The following GAL variants were observed in gnomAD, a reference collection of about 807,000 sequenced individuals.
The protein encoded by GAL is galanin peptides.
GAL carries 14 observed loss-of-function variants against 15.8 expected under a neutral mutation model. The ratio of observed to expected loss-of-function variants is 0.89; its 90% CI spans 0.59 to 1.39. The LOEUF (loss-of-function observed/expected upper bound fraction) is 1.39, where lower values mean the gene tolerates loss of function less well. Among genes scored for constraint, GAL ranks in the 40% most tolerant of loss-of-function variants. GAL has a pLI of 0.00. For missense variants in GAL, 176 were observed against 170.4 expected (o/e 1.03, Z -0.18); for synonymous variants, 79 against 73.8 (o/e 1.07, Z -0.36).
chr11:68,686,617 A>G (rs1337477558), intron 3 of GAL, among the ~76,000 whole-genome samples: 2 of 152,190 alleles, frequency 1.3e-5, no homozygotes, highest in Non-Finnish European at 2.9e-5. Context: ...GCTTTAAGAA[A>G]CAGACACGGG....
intron 3 of GAL, among the ~76,000 whole-genome samples, chr11:68,686,647 G>GCCGCCTGAGT (rs1945855736): frequency 6.6e-6 from 1 of 152,198 alleles, no homozygotes; most frequent in Non-Finnish European, 1.5e-5. Context: ...GCCGCCTGAG[G>GCCGCCTGAGT]CCGCGTGCGG....
chr11:68,691,158 A>T lies in GAL; in HGVS notation c.*171A>T. 1.7e-6 allele frequency: 1 copy of T among 582,508 alleles called. No homozygotes were observed. Among genetic ancestry groups the T allele is most frequent in the East Asian group, 2.8e-5 (1 of 35,872 alleles). The allele number at this position is 582,508 out of a possible 1,614,324, so 36.1% of individuals were successfully genotyped here. The stretch of plus-strand genomic sequence containing the variant: ...TTTTGGTAATTATTTTGAGTGGCAA[A>T]ATAAAGAATAGCAATTACTTGCAAT... On this transcript the variant is annotated 3_prime_UTR_variant, in exon 6 of 6. Transcript: ENST00000265643.
chr11:68,688,770 C>G, intron 4 of GAL, 79 bp from the exon 5 acceptor site: 1 of 759,784 alleles, frequency 1.3e-6, no homozygotes, highest in African/African-American at 1.7e-5. Flanking sequence ...GCGCCCAGCT[C>G]CTCTGTAGGG....
At chr11:68,685,743 C>G (rs891070816) in intron 3 of GAL, 95 bp downstream of exon 3, 8 of 807,806 alleles carry the variant, frequency 9.9e-6, no homozygotes, top group Non-Finnish European at 1.7e-5. Context: ...GCTGGGCAGA[C>G]CCTCTGGCCT....
chr11:68,685,316 G>A (rs1945841371), intron 2 of GAL, among the ~76,000 whole-genome samples: 1 of 152,264 alleles, frequency 6.6e-6, no homozygotes, highest in African/African-American at 2.4e-5. Context: ...AGAATGGAGG[G>A]CTAGGAGCCA....
chr11:68,688,218 G>T (rs554264154), intron 4 of GAL, 118 bp downstream of exon 4: 14 of 694,484 alleles, frequency 2.0e-5, no homozygotes, highest in African/African-American at 1.4e-4. Context: ...GCCTGGCCAT[G>T]ACTTGACTAA....
rs1945901065 is a variant in GAL, at chr11:68,691,091, C to T, written c.*104C>T. ...ATGCAGAGTCAGCCATTCCTGTTCT[C>T]TTTGCCTTGATGTTGTGTTGTTATC... On this transcript the variant is annotated 3_prime_UTR_variant, in exon 6 of 6. Transcript: ENST00000265643. 3 of 740,016 alleles carry T rather than the reference C, an allele frequency of 4.1e-6. No homozygotes were observed. The highest frequency in any genetic ancestry group is 4.8e-6 in the Non-Finnish European group (2 of 412,878). The allele number at this position is 740,016 out of a possible 1,614,324, so 45.8% of individuals were successfully genotyped here.
rs919822257 is a variant in GAL at position 68,690,960 on chromosome 11, C to T, written c.345C>T (p.Ala115=). The T allele has an allele frequency of 6.2e-7, 1 of 1,613,328 alleles. No individual in the cohort carries two copies. The highest frequency in any genetic ancestry group is 1.7e-5 in the Admixed American group (1 of 60,016). The change falls in exon 6 of 6, where the codon GCC becomes GCT. Residue 115 remains alanine, a synonymous_variant. Transcript: ENST00000265643. ...LDRLLDLPAA[A]SSEDIERS Reference sequence around the variant, plus strand: ...GCCTCCTGGATCTCCCCGCCGCAGCCTCCTCAGAAGACATCGAGCGGTCCT... The same window carrying T: ...GCCTCCTGGATCTCCCCGCCGCAGCTTCCTCAGAAGACATCGAGCGGTCCT...
intron 3 of GAL, 49 bp from the exon 4 acceptor site, chr11:68,687,965 C>T (rs1251597597): frequency 1.1e-5 from 12 of 1,132,404 alleles, no homozygotes; most frequent in East Asian, 7.0e-5. Context: ...GTGGGGAGGG[C>T]GTGCATGACA....
chr11:68,688,107 G>A lies in GAL; in HGVS notation c.223+7G>A. Reference sequence around the variant, plus strand: ...GAAGATGACATGAAACCAGGTGAGAGGACTCCTATCCCGGGCCCCGGGGCA... The same window carrying A: ...GAAGATGACATGAAACCAGGTGAGAAGACTCCTATCCCGGGCCCCGGGGCA... On this transcript the variant is annotated splice_region_variant and intron_variant, in intron 4 of 5. Transcript: ENST00000265643. The A allele has an allele frequency of 1.3e-6, 2 of 1,585,834 alleles. No individual in the cohort carries two copies. The highest frequency in any genetic ancestry group is 1.1e-5 in the South Asian group (1 of 90,522).
At chr11:68,690,290 A>G (rs976027004) in intron 5 of GAL, among the ~76,000 whole-genome samples, 4 of 152,246 alleles carry the variant, frequency 2.6e-5, no homozygotes, top group Non-Finnish European at 4.4e-5. Context: ...GGAGACCTTC[A>G]GTTGCACATC....
At chr11:68,686,003 G>A (rs895951402) in intron 3 of GAL, among the ~76,000 whole-genome samples, 2 of 152,102 alleles carry the variant, frequency 1.3e-5, no homozygotes, top group African/African-American at 2.4e-5. Context: ...CTAGGTCAGC[G>A]GACCCCAAAT....
At position 68,685,608 on chromosome 11, in the gene GAL, A is replaced by G. The variant is rs1338891147; in HGVS notation, c.96A>G (p.Arg32=). Residue 32 remains arginine, a synonymous_variant, in exon 3 of 6, where the codon CGA becomes CGG. Coordinates refer to ENST00000265643, the MANE Select transcript of GAL (RefSeq NM_015973.5). The stretch of plus-strand genomic sequence containing the variant: ...CTCCCTTCAAGGCCAAGGAAAAACG[A>G]GGCTGGACCCTGAACAGCGCGGGCT... The part of the protein sequence containing the change: ...AGLWSPAKEK[R]GWTLNSAGYL... 1.2e-6 allele frequency: 2 copies of G among 1,613,514 alleles called. No individual in the cohort carries two copies. Among genetic ancestry groups the G allele is most frequent in the Non-Finnish European group, 8.5e-7 (1 of 1,179,488 alleles).
At chr11:68,685,405 C>G (rs996774445) in intron 2 of GAL, among the ~76,000 whole-genome samples, 189 bp from the exon 3 acceptor site, 1 of 152,224 alleles carries the variant, frequency 6.6e-6, no homozygotes, top group African/African-American at 2.4e-5. Flanking sequence ...TGAAGTATTT[C>G]GTAAATAAAG....
At chr11:68,686,646 G>A (rs1945855652) in intron 3 of GAL, among the ~76,000 whole-genome samples, 1 of 152,186 alleles carries the variant, frequency 6.6e-6, no homozygotes, top group Non-Finnish European at 1.5e-5. Context: ...AGCCGCCTGA[G>A]GCCGCGTGCG....
chr11:68,689,693 G>T (rs1945887860), intron 5 of GAL, among the ~76,000 whole-genome samples: 1 of 152,236 alleles, frequency 6.6e-6, no homozygotes, highest in South Asian at 2.1e-4. Context: ...CACTGTGCCT[G>T]GCCCTAAACC....
intron 3 of GAL, 71 bp downstream of exon 3, chr11:68,685,719 C>G: frequency 9.2e-7 from 1 of 1,090,654 alleles, no homozygotes; most frequent in South Asian, 1.3e-5. Flanking sequence ...CTGGCTCCTG[C>G]CCCTCCGCCT....
Position 68,685,512 on chromosome 11 carries a change from A to G in GAL, c.82-82A>G. ...CATGCATTGTTCTAAGTCCTCTGCC[A>G]TGCCGGGAAAGCCTGGGTGCACCCA... is the stretch of plus-strand genomic sequence containing the variant. On this transcript the variant is annotated intron_variant, in intron 2 of 5. Transcript: ENST00000265643. 3.2e-6 allele frequency: 3 copies of G among 938,242 alleles called. No homozygotes were observed. The East Asian group carries it at 7.4e-5, about 23-fold the overall frequency. 58.1% of individuals were successfully genotyped at this position (938,242 alleles called of 1,614,324 possible).
chr11:68,689,361 C>T (rs1186030454), intron 5 of GAL, among the ~76,000 whole-genome samples: 3 of 148,600 alleles, frequency 2.0e-5, no homozygotes, highest in Admixed American at 6.8e-5. Flanking sequence ...TTTCTTCTTT[C>T]TCTTCCTTCC....
Sources: gnomAD v4.1 joint callset for allele counts (sites outside exome capture counted in the v4.1 genomes callset) on GRCh38, gnomAD v4.1.1 for gene constraint, MANE v1.5 for transcripts, NCBI Gene and HGNC (gene_info 2026-07-23, HGNC 2026-07-21) for gene names.